Variants in PCSK5 observed in about 807,000 individuals in gnomAD.
PCSK5 encodes proprotein convertase subtilisin/kexin type 5.
Under a neutral mutation model 233.2 loss-of-function variants are expected in PCSK5, and 129 were observed. That is an observed-to-expected ratio of 0.55 (90% CI 0.48 to 0.64). PCSK5 has a LOEUF of 0.64. PCSK5 is among the 30% of genes least tolerant of loss of function. PCSK5 has a pLI of 0.00. For synonymous variants in PCSK5, 825 were observed against 879.2 expected, an observed-to-expected ratio of 0.94 and a Z score of 1.09; for missense variants, 2,076 against 2,430.1, an observed-to-expected ratio of 0.85 and a Z score of 3.06.
chr9:76,039,348 G>A (rs1027654578), intron 5 of PCSK5, among the ~76,000 whole-genome samples: 1 of 152,148 alleles, frequency 6.6e-6, no homozygotes, highest in Non-Finnish European at 1.5e-5. Context: ...TCTTTGGTTA[G>A]GGAGATGTCA....
At chr9:76,226,956 A>G (rs1825914181) in intron 20 of PCSK5, among the ~76,000 whole-genome samples, 1 of 152,180 alleles carries the variant, frequency 6.6e-6, no homozygotes, top group Admixed American at 6.5e-5. Context: ...TTCCCTGGCT[A>G]TTTCTTCACT....
chr9:75,924,616 A>G (rs919110279), intron 1 of PCSK5, among the ~76,000 whole-genome samples: 15 of 152,052 alleles, frequency 9.9e-5, no homozygotes, highest in Admixed American at 3.3e-4. Context: ...CCCCACTCCC[A>G]GAGAAAAGGA....
chr9:76,023,655 AAAAAC>A (rs1344771973), intron 3 of PCSK5, 78 bp from the exon 4 acceptor site: 1 of 1,374,834 alleles, frequency 7.3e-7, no homozygotes, highest in African/African-American at 1.5e-5. Context: ...AGAGAAAAAA[AAAAAC>A]AAAAGAAAGA....
chr9:76,216,225 G>C (rs1825525689), intron 20 of PCSK5, among the ~76,000 whole-genome samples: 1 of 152,146 alleles, frequency 6.6e-6, no homozygotes, highest in Non-Finnish European at 1.5e-5. Context: ...GCCACTGGTG[G>C]AACCCGGCGC....
intron 20 of PCSK5, among the ~76,000 whole-genome samples, chr9:76,213,321 GTTC>G (rs1368811288): frequency 6.6e-6 from 1 of 152,242 alleles, no homozygotes; most frequent in African/African-American, 2.4e-5. Flanking sequence ...GAGGTAGTGA[GTTC>G]TTCTTCCTTT....
intron 20 of PCSK5, among the ~76,000 whole-genome samples, chr9:76,222,835 G>A (rs1395346307): frequency 6.6e-6 from 1 of 151,046 alleles, no homozygotes; most frequent in East Asian, 1.9e-4. Flanking sequence ...GTGTTGCTGA[G>A]TATTTATTAT....
chr9:76,286,823 T>G (rs569574462), intron 24 of PCSK5: 4 of 169,280 alleles, frequency 2.4e-5, no homozygotes, highest in African/African-American at 9.6e-5. Flanking sequence ...TCTGGGGTTC[T>G]GTCATTTTCC....
intron 2 of PCSK5, among the ~76,000 whole-genome samples, chr9:75,936,802 G>A (rs1824075491): frequency 6.6e-6 from 1 of 152,158 alleles, no homozygotes; most frequent in African/African-American, 2.4e-5. Flanking sequence ...CTAGAATGGT[G>A]AATGCTTTCC....
Position 76,279,270 on chromosome 9 carries a change from C to A in PCSK5, c.3143-12963C>A, listed in dbSNP as rs922321720. ...TCATTTTTTATGGCTGCATAGTATT[C>A]CATGGTGTACATGTGCCACATTTTC... is the stretch of plus-strand genomic sequence containing the variant. On this transcript the variant is annotated intron_variant, in intron 24 of 37. Coordinates refer to ENST00000674117, the MANE Select transcript of PCSK5 (RefSeq NM_001372043.1). 1.1e-3 allele frequency among the ~76,000 whole-genome samples: 171 copies of A among 150,618 alleles called. 1 individual carries two copies. Among genetic ancestry groups the A allele is most frequent in the Admixed American group, 2.3e-3 (35 of 15,184 alleles).
chr9:76,191,490 C>CTACAAAGAATCTCAA (rs1217921928), intron 20 of PCSK5, among the ~76,000 whole-genome samples: 6 of 152,178 alleles, frequency 3.9e-5, no homozygotes, highest in Non-Finnish European at 8.8e-5. Context: ...CCACAACTCC[C>CTACAAAGAATCTCAA]TACAAAGAAT....
intron 24 of PCSK5, among the ~76,000 whole-genome samples, chr9:76,255,599 G>A (rs1316836341): frequency 1.3e-5 from 2 of 152,176 alleles, no homozygotes; most frequent in Non-Finnish European, 2.9e-5. Context: ...GGTGGCAGGT[G>A]AGGGGAATCA....
intron 20 of PCSK5, among the ~76,000 whole-genome samples, chr9:76,223,692 G>T (rs999606540): frequency 2.0e-5 from 3 of 152,166 alleles, no homozygotes; most frequent in African/African-American, 7.2e-5. Context: ...AATGGATGAA[G>T]ATGCCAGAAA....
At chr9:75,934,538 G>A (rs965725108) in intron 2 of PCSK5, among the ~76,000 whole-genome samples, 2 of 151,778 alleles carry the variant, frequency 1.3e-5, no homozygotes, top group African/African-American at 4.8e-5. Context: ...TTGGGGGTTG[G>A]GGGAGCAAAG....
intron 20 of PCSK5, among the ~76,000 whole-genome samples, chr9:76,211,472 A>C (rs1227152624): frequency 1.3e-5 from 2 of 152,220 alleles, no homozygotes; most frequent in African/African-American, 4.8e-5. Context: ...GGGCTCCCAT[A>C]AGTGGAGACT....
At chr9:76,175,784 G>A (rs1823587613) in intron 14 of PCSK5, among the ~76,000 whole-genome samples, 1 of 152,126 alleles carries the variant, frequency 6.6e-6, no homozygotes, top group South Asian at 2.1e-4. Context: ...AAAAGAAAGA[G>A]GTGAACGTTT....
At chr9:76,283,059 T>C (rs961414592) in intron 24 of PCSK5, among the ~76,000 whole-genome samples, 7 of 152,180 alleles carry the variant, frequency 4.6e-5, no homozygotes, top group Admixed American at 1.3e-4. Context: ...AGACAAGAAA[T>C]TGGTTCTTAT....
chr9:76,009,682 T>C (rs1587492937), intron 3 of PCSK5, among the ~76,000 whole-genome samples: 1 of 149,386 alleles, frequency 6.7e-6, no homozygotes, highest in Non-Finnish European at 1.5e-5. Context: ...TGTCACAAGG[T>C]GGAGTGTATA....
intron 20 of PCSK5, chr9:76,209,376 T>C: frequency 3.1e-6 from 1 of 318,700 alleles, no homozygotes; most frequent in Non-Finnish European, 6.3e-6. Flanking sequence ...TAGTAGCTTC[T>C]AACCGTACTA....
At chr9:76,099,351 C>G (rs1458576562) in intron 8 of PCSK5, among the ~76,000 whole-genome samples, 2 of 152,078 alleles carry the variant, frequency 1.3e-5, no homozygotes, top group African/African-American at 4.8e-5. Context: ...CAGAGATTTC[C>G]ATGAAGATAA....
Sources: allele counts gnomAD v4.1 joint callset (sites outside exome capture counted in the v4.1 genomes callset), GRCh38; gene constraint gnomAD v4.1.1; transcripts MANE v1.5; gene names NCBI Gene and HGNC (gene_info 2026-07-23, HGNC 2026-07-21).